FANCI: variants seen among roughly 807,000 people sequenced by gnomAD.
FANCI encodes the protein FA complementation group I.
FANCI carries 156 observed loss-of-function variants against 176.1 expected under a neutral mutation model. The observed-to-expected ratio is 0.89, with a 90% confidence interval of 0.78 to 1.01. FANCI has a LOEUF of 1.01. Among genes scored for constraint, FANCI ranks in the 50% least tolerant of loss-of-function variants. The pLI, the probability that FANCI is intolerant of heterozygous loss-of-function variation, is 0.00. For missense variants in FANCI, 1,678 were observed against 1,534.1 expected (o/e 1.09, Z -1.57); for synonymous variants, 613 against 541.7 (o/e 1.13, Z -1.83).
chr15:89,250,534 G>A (rs907396407), intron 2 of FANCI, among the ~76,000 whole-genome samples: 7 of 142,688 alleles, frequency 4.9e-5, no homozygotes, highest in African/African-American at 1.3e-4. Flanking sequence ...ATCACACACC[G>A]GGGCCTGTTG....
chr15:89,299,442 C>T (rs1268947309), intron 24 of FANCI, among the ~76,000 whole-genome samples: 1 of 152,120 alleles, frequency 6.6e-6, no homozygotes, highest in Non-Finnish European at 1.5e-5. Context: ...CAGACCATTG[C>T]AAGAAAACTG....
chr15:89,314,779 C>T, intron 36 of FANCI, 72 bp downstream of exon 36: 1 of 1,022,152 alleles, frequency 9.8e-7, no homozygotes, highest in South Asian at 1.3e-5. Context: ...TGAAGCAGCA[C>T]AACTACAATG....
At chr15:89,249,492 C>T (rs761942449) in intron 2 of FANCI, among the ~76,000 whole-genome samples, 8 of 152,076 alleles carry the variant, frequency 5.3e-5, no homozygotes, top group Non-Finnish European at 1.0e-4. Context: ...GGAGTACAAG[C>T]ATGTGCCACC....
chr15:89,281,648 G>A (rs769739981), intron 15 of FANCI, 117 bp from the exon 16 acceptor site: 154 of 957,222 alleles, frequency 1.6e-4, no homozygotes, highest in Non-Finnish European at 2.4e-4. Flanking sequence ...ACATTAAAAC[G>A]TATATAAAAC....
chr15:89,263,021 A>G (rs1366118430), intron 6 of FANCI, among the ~76,000 whole-genome samples: 1 of 152,268 alleles, frequency 6.6e-6, no homozygotes, highest in South Asian at 2.1e-4. Context: ...AGCATGAGCC[A>G]CTGCACCTGG....
intron 33 of FANCI, 41 bp from the exon 34 acceptor site, chr15:89,307,572 T>TA: frequency 6.2e-7 from 1 of 1,614,248 alleles, no homozygotes; most frequent in South Asian, 1.1e-5. Context: ...GAAGCACTTT[T>TA]ACTGCTGGTT....
chr15:89,294,575 A>G (rs1406627334), intron 23 of FANCI, among the ~76,000 whole-genome samples: 1 of 151,846 alleles, frequency 6.6e-6, no homozygotes, highest in Non-Finnish European at 1.5e-5. Context: ...ACAAGAACAA[A>G]ATTCTGCCTA....
At position 89,263,416 on chromosome 15, in the gene FANCI, C is replaced by T. The variant is rs1457153041; in HGVS notation, c.504-3C>T. The T allele has an allele frequency of 1.9e-6, 3 of 1,611,400 alleles. No homozygotes were observed. Among genetic ancestry groups the T allele is most frequent in the Non-Finnish European group, 2.5e-6 (3 of 1,177,922 alleles). On this transcript the variant is annotated splice_polypyrimidine_tract_variant and splice_region_variant and intron_variant, in intron 6 of 37. Transcript: ENST00000310775. ...AATAAACTTTGTCATTTTCTTCTAC[C>T]AGGTGGGATCAGCAATATGTAATCC...
At chr15:89,302,790 A>G (rs1389265392) in intron 27 of FANCI, among the ~76,000 whole-genome samples, 1 of 152,038 alleles carries the variant, frequency 6.6e-6, no homozygotes, top group Non-Finnish European at 1.5e-5. Context: ...AGCCAGGATG[A>G]TCTCGATCTC....
At position 89,274,195 on chromosome 15, in the gene FANCI, G is replaced by A. The variant is rs1222471181; in HGVS notation, c.1003G>A (p.Val335Ile). Residue 335 changes from valine to isoleucine, a missense_variant, in exon 12 of 38, where the codon GTA (valine) becomes ATA (isoleucine). By Grantham distance (29) the Val-to-Ile change is conservative (BLOSUM62 3). Coordinates refer to ENST00000310775, the MANE Select transcript of FANCI (RefSeq NM_001113378.2). ...QVLDLLKTSV[V>I]KSFKDLQLLQ... ...GCTTGATCTTTTAAAGACTTCGGTTGTAAAGAGCTTTAAGGATCTTCAACT... is the reference window on the plus strand; with the variant it reads ...GCTTGATCTTTTAAAGACTTCGGTTATAAAGAGCTTTAAGGATCTTCAACT... The A allele has an allele frequency of 3.8e-6, 6 of 1,590,180 alleles. No individual in the cohort carries two copies. Among genetic ancestry groups the A allele is most frequent in the Non-Finnish European group, 4.3e-6 (5 of 1,167,066 alleles).
intron 4 of FANCI, 45 bp from the exon 5 acceptor site, chr15:89,261,540 C>T: frequency 6.2e-7 from 1 of 1,609,274 alleles, no homozygotes; most frequent in South Asian, 1.1e-5. Context: ...ATTTATCAAA[C>T]ATTGGATTTC....
At chr15:89,255,499 G>A (rs1400956642) in intron 2 of FANCI, among the ~76,000 whole-genome samples, 3 of 152,070 alleles carry the variant, frequency 2.0e-5, no homozygotes, top group Non-Finnish European at 4.4e-5. Context: ...ATTATAAAGT[G>A]GGATCAGAAT....
At position 89,291,726 on chromosome 15, in the gene FANCI, A is replaced by G. The variant is rs369148872; in HGVS notation, c.1992+12A>G. 13 of 1,598,668 alleles carry G rather than the reference A, an allele frequency of 8.1e-6. No homozygotes were observed. Among genetic ancestry groups the G allele is most frequent in the African/African-American group, 1.3e-5 (1 of 74,592 alleles). On this transcript the variant is annotated intron_variant, in intron 20 of 37. Coordinates refer to ENST00000310775, the MANE Select transcript of FANCI (RefSeq NM_001113378.2). The stretch of plus-strand genomic sequence containing the variant: ...TACAAGAACCACTGGTGAGACTTTT[A>G]TTCTTCCTTCAACCATTATTTTTAG...
intron 20 of FANCI, 135 bp downstream of exon 20, chr15:89,291,849 C>A: frequency 1.4e-6 from 1 of 729,436 alleles, no homozygotes; most frequent in Non-Finnish European, 2.4e-6. Context: ...GTCTTCCCTG[C>A]TTATCATTTC....
intron 15 of FANCI, among the ~76,000 whole-genome samples, chr15:89,281,507 C>T (rs1220370366): frequency 6.6e-6 from 1 of 152,208 alleles, no homozygotes; most frequent in African/African-American, 2.4e-5. Flanking sequence ...TCTCTCAACT[C>T]ATTTTCAAGT....
intron 18 of FANCI, among the ~76,000 whole-genome samples, chr15:89,285,986 G>GTT (rs34746984): frequency 3.4e-4 from 51 of 149,674 alleles, no homozygotes; most frequent in East Asian, 3.9e-4. Context: ...TCCAAACTTA[G>GTT]TTTTTTTTTT....
At chr15:89,307,576 G>C in intron 33 of FANCI, 37 bp from the exon 34 acceptor site, 1 of 1,614,196 alleles carries the variant, frequency 6.2e-7, no homozygotes, top group South Asian at 1.1e-5. Context: ...CACTTTTACT[G>C]CTGGTTACAT....
chr15:89,294,059 C>T, intron 23 of FANCI, 62 bp downstream of exon 23: 2 of 1,558,044 alleles, frequency 1.3e-6, no homozygotes, highest in Non-Finnish European at 1.8e-6. Context: ...CCTACCTAGG[C>T]TCACTTGTTT....
rs1223721175 is a variant in FANCI at position 89,317,086 on chromosome 15, TAG to T, written c.*630_*631del. ...GCACAGTTTGTTTTTCTGTCACCTA[TAG>T]AGTGCAAGAATGCACTCTATAGAAT... On this transcript the variant is annotated 3_prime_UTR_variant, in exon 38 of 38. Transcript: ENST00000310775. 3 of 591,394 alleles carry T rather than the reference TAG, an allele frequency of 5.1e-6. No individual in the cohort carries two copies. Among genetic ancestry groups the T allele is most frequent in the Non-Finnish European group, 9.0e-6 (3 of 334,858 alleles). The allele number at this position is 591,394 out of a possible 1,614,324, so 36.6% of individuals were successfully genotyped here.
Sources: allele counts gnomAD v4.1 joint callset (sites outside exome capture counted in the v4.1 genomes callset), GRCh38; gene constraint gnomAD v4.1.1; transcripts MANE v1.5; gene names NCBI Gene and HGNC (gene_info 2026-07-23, HGNC 2026-07-21).